The following PTPN12 variants were observed in gnomAD, a reference collection of about 807,000 sequenced individuals.
PTPN12 encodes the protein protein tyrosine phosphatase non-receptor type 12.
PTPN12 carries 29 observed loss-of-function variants against 97.6 expected under a neutral mutation model. That is an observed-to-expected ratio of 0.30 (90% CI 0.22 to 0.41). The LOEUF (loss-of-function observed/expected upper bound fraction) is 0.41, where lower values mean the gene tolerates loss of function less well. Among genes scored for constraint, PTPN12 ranks in the 10% least tolerant of loss-of-function variants. The pLI is 1.00. For synonymous variants in PTPN12, 327 were observed against 300.4 expected (o/e 1.09, Z -0.91); for missense variants, 819 against 926.0 (o/e 0.88, Z 1.50).
chr7:77,579,578 A>G (rs1006253233), intron 2 of PTPN12, among the ~76,000 whole-genome samples: 2 of 152,244 alleles, frequency 1.3e-5, no homozygotes, highest in Admixed American at 1.3e-4. Context: ...TTACTATTAG[A>G]GGAAGTTCAG....
At chr7:77,571,795 C>G (rs546225716) in intron 2 of PTPN12, among the ~76,000 whole-genome samples, 88 of 152,108 alleles carry the variant, frequency 5.8e-4, no homozygotes, top group African/African-American at 1.1e-3. Flanking sequence ...TGAGCTCATA[C>G]GATCCTCCCA....
At chr7:77,584,719 T>TA (rs1303161172) in intron 4 of PTPN12, among the ~76,000 whole-genome samples, 4 of 151,918 alleles carry the variant, frequency 2.6e-5, no homozygotes, top group Non-Finnish European at 4.4e-5. Flanking sequence ...CTACTAAAAA[T>TA]ACAAAAAATT....
intron 8 of PTPN12, among the ~76,000 whole-genome samples, chr7:77,601,166 C>T (rs1264044852): frequency 6.6e-6 from 1 of 152,020 alleles, no homozygotes; most frequent in East Asian, 1.9e-4. Flanking sequence ...AAACAATGAC[C>T]AAGCAATTTT....
intron 1 of PTPN12, among the ~76,000 whole-genome samples, chr7:77,566,027 A>G (rs1435246144): frequency 3.3e-5 from 5 of 152,310 alleles, no homozygotes; most frequent in Admixed American, 3.3e-4. Flanking sequence ...TGTGTTATGG[A>G]CTCATTGCAG....
intron 17 of PTPN12, 24 bp from the exon 18 acceptor site, chr7:77,639,195 G>A: frequency 6.3e-7 from 1 of 1,586,326 alleles, no homozygotes; most frequent in Non-Finnish European, 8.6e-7. Flanking sequence ...ACACTGACTA[G>A]TTATTGTGGT....
Position 77,620,847 on chromosome 7 carries a change from CTG to C in PTPN12, c.1025+2283_1025+2284del. Reference sequence around the variant, plus strand: ...CCTGCAGTTCCAGCTACTTGGGAGACTGAGGCAGGAGAATCGCTTGAACCCAG... The same window carrying C: ...CCTGCAGTTCCAGCTACTTGGGAGACAGGCAGGAGAATCGCTTGAACCCAG... On this transcript the variant is annotated intron_variant, in intron 12 of 17. Transcript: ENST00000248594. Among the ~76,000 whole-genome samples, 2 of 152,288 alleles carry C rather than the reference CTG, an allele frequency of 1.3e-5. 1 individual carries two copies. The highest frequency in any genetic ancestry group is 1.3e-4 in the Admixed American group (2 of 15,296).
At chr7:77,635,346 C>T (rs1039336614) in intron 14 of PTPN12, among the ~76,000 whole-genome samples, 53 of 152,174 alleles carry the variant, frequency 3.5e-4, no homozygotes, top group African/African-American at 1.2e-3. Context: ...GGAAGATTGC[C>T]TGAGCCTGGG....
rs1461433359 is a variant in PTPN12, at chr7:77,636,999, TTAAATG to T, written c.2143-17_2143-12del. ...TAAAATGAATGTATTGTAATAGGTA[TTAAATG>T]TCTTCCTCGTAGGGCTTGATAACCT... On this transcript the variant is annotated splice_polypyrimidine_tract_variant and intron_variant, in intron 15 of 17. Transcript: ENST00000248594. 3.1e-6 allele frequency: 5 copies of T among 1,594,122 alleles called. No individual in the cohort carries two copies. In the African/African-American group the frequency reaches 5.4e-5, roughly 17 times the overall value.
chr7:77,633,105 T>C (rs1428694182), intron 14 of PTPN12, among the ~76,000 whole-genome samples: 2 of 152,042 alleles, frequency 1.3e-5, no homozygotes, highest in East Asian at 3.9e-4. Flanking sequence ...ACCCCGTCTC[T>C]ACTAAAAATA....
At chr7:77,617,272 C>A (rs907831384) in intron 11 of PTPN12, among the ~76,000 whole-genome samples, 2 of 152,096 alleles carry the variant, frequency 1.3e-5, no homozygotes, top group African/African-American at 4.8e-5. Context: ...TATATGGTCA[C>A]CCTACCTATA....
chr7:77,606,899 C>G (rs1457598130), intron 8 of PTPN12: 2 of 180,470 alleles, frequency 1.1e-5, no homozygotes, highest in East Asian at 1.6e-4. Flanking sequence ...GCCCAAACCT[C>G]AACAGTAGTG....
At chr7:77,562,053 G>A (rs1808024035) in intron 1 of PTPN12, among the ~76,000 whole-genome samples, 1 of 148,582 alleles carries the variant, frequency 6.7e-6, no homozygotes, top group Admixed American at 6.7e-5. Context: ...GCCTACCAAA[G>A]TGTATTTATT....
chr7:77,591,876 A>G (rs1040929040), intron 5 of PTPN12, among the ~76,000 whole-genome samples: 1 of 152,220 alleles, frequency 6.6e-6, no homozygotes, highest in Non-Finnish European at 1.5e-5. Context: ...TGTACCAGAC[A>G]CTTTTTTAAA....
chr7:77,592,038 T>C (rs768353733), intron 5 of PTPN12, 147 bp from the exon 6 acceptor site: 10 of 674,894 alleles, frequency 1.5e-5, no homozygotes, highest in Non-Finnish European at 2.5e-5. Flanking sequence ...TGGGTAAATC[T>C]AAGCTCTCTC....
chr7:77,600,849 TTGA>T, intron 8 of PTPN12, 43 bp downstream of exon 8: 1 of 1,468,922 alleles, frequency 6.8e-7, no homozygotes, highest in Non-Finnish European at 9.3e-7. Flanking sequence ...TTATTTAAGT[TTGA>T]TGTTACACAA....
In PTPN12 at chr7:77,623,433, G is replaced by A. The variant is rs1182986585; in HGVS notation, c.1026-3272G>A. On this transcript the variant is annotated intron_variant, in intron 12 of 17. Coordinates refer to ENST00000248594, the MANE Select transcript of PTPN12 (RefSeq NM_002835.4). ...TCTGTAAAATACTGGTCATGAGGCCGGGCATGGTGTTTCACACCTGTAATC... is the reference window on the plus strand; with the variant it reads ...TCTGTAAAATACTGGTCATGAGGCCAGGCATGGTGTTTCACACCTGTAATC... Among the ~76,000 whole-genome samples the A allele has an allele frequency of 2.6e-5, 4 of 152,214 alleles. No homozygotes were observed. The East Asian group carries it at 5.8e-4, about 22-fold the overall frequency.
chr7:77,638,967 G>T, intron 17 of PTPN12: 1 of 769,766 alleles, frequency 1.3e-6, no homozygotes, highest in Non-Finnish European at 1.9e-6. Flanking sequence ...AATTATCATG[G>T]ATATTTTTCT....
intron 3 of PTPN12, among the ~76,000 whole-genome samples, chr7:77,582,693 A>G (rs1481882784): frequency 6.6e-6 from 1 of 151,774 alleles, no homozygotes; most frequent in African/African-American, 2.4e-5. Context: ...CTGAGGCAGG[A>G]GAATCGCCTG....
intron 1 of PTPN12, among the ~76,000 whole-genome samples, chr7:77,561,755 TG>T (rs1808004058): frequency 1.1e-5 from 1 of 92,080 alleles, no homozygotes; most frequent in Non-Finnish European, 2.0e-5. Context: ...TTTTACTGTA[TG>T]TTTTTAATTA....
Sources: gnomAD v4.1 joint callset for allele counts (sites outside exome capture counted in the v4.1 genomes callset) on GRCh38, gnomAD v4.1.1 for gene constraint, MANE v1.5 for transcripts, NCBI Gene and HGNC (gene_info 2026-07-23, HGNC 2026-07-21) for gene names.